The following SYCP3 variants were observed in gnomAD, a reference collection of about 807,000 sequenced individuals.
SYCP3 encodes synaptonemal complex protein 3.
A neutral mutation model predicts 38.5 loss-of-function variants in SYCP3; 29 were observed. The ratio of observed to expected loss-of-function variants is 0.75; its 90% CI spans 0.56 to 1.03. The LOEUF (loss-of-function observed/expected upper bound fraction) is 1.03. SYCP3 is among the 50% of genes least tolerant of loss of function. The probability of loss-of-function intolerance (pLI) is 0.00; values close to 1 mark genes in which losing one functional copy is unlikely to be tolerated. For synonymous variants in SYCP3, 79 were observed against 80.3 expected (o/e 0.98, Z 0.08); for missense variants, 242 against 270.7 (o/e 0.89, Z 0.74).
Position 101,728,777 on chromosome 12 carries a change from G to A in SYCP3, c.*150C>T. 9.2e-7 allele frequency: 1 copy of A among 1,091,346 alleles called. No individual in the cohort carries two copies. The highest frequency in any genetic ancestry group is 1.3e-6 in the Non-Finnish European group (1 of 753,788). 67.6% of individuals were successfully genotyped at this position (1,091,346 alleles called of 1,614,324 possible). ...AACTAACTCATAACTATTTAGATTT[G>A]ACTTAACAGAAAGGGAGGTCTTACA... On this transcript the variant is annotated 3_prime_UTR_variant, in exon 9 of 9. Transcript: ENST00000392924.
intron 4 of SYCP3, among the ~76,000 whole-genome samples, chr12:101,735,871 A>ATTTTTTTTTTTTTTTTT: frequency 1.3e-5 from 1 of 74,734 alleles, no homozygotes; most frequent in South Asian, 4.3e-4. Context: ...ATATATATAT[A>ATTTTTTTTTTTTTTTTT]TTTTTTTTTT....
chr12:101,738,441 A>C (rs1952555047), intron 1 of SYCP3, among the ~76,000 whole-genome samples: 2 of 150,048 alleles, frequency 1.3e-5, no homozygotes, highest in African/African-American at 2.5e-5. Flanking sequence ...AAAAAAAAAA[A>C]CAACAACAGA....
intron 4 of SYCP3, among the ~76,000 whole-genome samples, chr12:101,735,741 G>T (rs937473937): frequency 4.7e-5 from 7 of 150,214 alleles, no homozygotes; most frequent in South Asian, 2.1e-4. Context: ...ACATTTCAAT[G>T]AATTATTGTT....
chr12:101,735,871 A>ATATATATATATATATTTTTTTTTTTTT, intron 4 of SYCP3, among the ~76,000 whole-genome samples: 40 of 74,704 alleles, frequency 5.4e-4, no homozygotes, highest in Admixed American at 1.2e-3. Flanking sequence ...ATATATATAT[A>ATATATATATATATATTTTTTTTTTTTT]TTTTTTTTTT....
At chr12:101,736,061 A>C (rs1408931187) in intron 4 of SYCP3, among the ~76,000 whole-genome samples, 1 of 151,276 alleles carries the variant, frequency 6.6e-6, no homozygotes, top group Non-Finnish European at 1.5e-5. Flanking sequence ...AGGACAGAAA[A>C]AAATCTTAGT....
At chr12:101,736,702 ATGTATATG>A (rs1449049526) in intron 4 of SYCP3, among the ~76,000 whole-genome samples, 31 of 112,782 alleles carry the variant, frequency 2.7e-4, no homozygotes, top group African/African-American at 1.3e-3. Flanking sequence ...ATATGTATGT[ATGTATATG>A]TGTGTGTGTG....
In SYCP3 at chr12:101,731,606, A is replaced by G. The variant is rs146700404; in HGVS notation, c.514T>C (p.Leu172=). Residue 172 remains leucine, a synonymous_variant, in exon 7 of 9, where the codon TTG becomes CTG. Coordinates refer to ENST00000392924, the MANE Select transcript of SYCP3 (RefSeq NM_001177949.2). ...TCATATAACTGTTTAATTGTTTTCAATCTCTGGCTCTGAACAATTCTAGAT... is the reference window on the plus strand; with the variant it reads ...TCATATAACTGTTTAATTGTTTTCAGTCTCTGGCTCTGAACAATTCTAGAT... ...QQSRIVQSQR[L]KTIKQLYEQF... 4.9e-5 allele frequency: 79 copies of G among 1,607,280 alleles called. No homozygotes were observed. Among genetic ancestry groups the G allele is most frequent in the African/African-American group, 5.3e-5 (4 of 74,834 alleles).
At chr12:101,739,154 G>A in intron 1 of SYCP3, 197 bp downstream of exon 1, 1 of 751,900 alleles carries the variant, frequency 1.3e-6, no homozygotes, top group Non-Finnish European at 1.6e-6. Flanking sequence ...AGGGTGTAGC[G>A]ATGGGGCCCA....
chr12:101,730,426 G>C (rs73392425), intron 7 of SYCP3: 4,900 of 407,582 alleles, frequency 0.012, 214 homozygotes, highest in African/African-American at 0.096. Flanking sequence ...GGTTCTCAGA[G>C]CATTGGAACA....
chr12:101,735,871 A>ATATATATTTTTTTTTTTTT, intron 4 of SYCP3, among the ~76,000 whole-genome samples: 40 of 74,728 alleles, frequency 5.4e-4, no homozygotes, highest in African/African-American at 2.3e-3. Flanking sequence ...ATATATATAT[A>ATATATATTTTTTTTTTTTT]TTTTTTTTTT....
At chr12:101,739,053 G>A (rs1306000076) in intron 1 of SYCP3, among the ~76,000 whole-genome samples, 2 of 152,238 alleles carry the variant, frequency 1.3e-5, no homozygotes, top group Non-Finnish European at 1.5e-5. Flanking sequence ...ACCACGAAAG[G>A]CGCCCTCGGC....
intron 2 of SYCP3, chr12:101,737,537 A>G: frequency 1.5e-6 from 1 of 645,290 alleles, no homozygotes; most frequent in Non-Finnish European, 2.7e-6. Context: ...AGTAAGCCAC[A>G]TACTATATAT....
Position 101,735,871 on chromosome 12 carries a change from A to ATATATATATATATTTTTT in SYCP3, c.236-828_236-827insAAAAAATATATATATATA. On this transcript the variant is annotated intron_variant, in intron 4 of 8. Coordinates refer to ENST00000392924, the MANE Select transcript of SYCP3 (RefSeq NM_001177949.2). The stretch of plus-strand genomic sequence containing the variant: ...CAATTTTATATATATATATATATAT[A>ATATATATATATATTTTTT]TTTTTTTTTTTTTAAAGACACGGGG... Among the ~76,000 whole-genome samples the ATATATATATATATTTTTT allele has an allele frequency of 2.4e-4, 18 of 74,756 alleles. 1 individual carries two copies. The highest frequency in any genetic ancestry group is 1.0e-3 in the African/African-American group (16 of 15,934). The allele number at this position is 74,756 out of a possible 152,430, so 49.0% of individuals were successfully genotyped here.
Position 101,733,592 on chromosome 12 carries a change from G to A in SYCP3, c.436C>T (p.Gln146Ter), listed in dbSNP as rs1354084296. 1 of 1,612,158 alleles carries A rather than the reference G, an allele frequency of 6.2e-7. No individual in the cohort carries two copies. Among genetic ancestry groups the A allele is most frequent in the Admixed American group, 1.7e-5 (1 of 59,946 alleles). The change falls in exon 6 of 9, where the codon CAA (glutamine) becomes TAA (stop). Residue 146 changes from glutamine to a stop codon, truncating the protein, a stop_gained. Coordinates refer to ENST00000392924, the MANE Select transcript of SYCP3 (RefSeq NM_001177949.2). LOFTEE classifies it high-confidence loss of function. ...WDLDMQKAEE[Q>*]EEKILNMFRQ... ...ATACCAACAAGTATTTTTTCTTCTT[G>A]TTCCTCAGCTTTCTGCATATCTAAA...
rs777033164 is a variant in SYCP3 at position 101,737,795 on chromosome 12, TAC to T, written c.133+6_133+7del. On this transcript the variant is annotated splice_donor_region_variant and intron_variant, in intron 2 of 8. Transcript: ENST00000392924. ...GGACATCACTGCCCAACATGAGATG[TAC>T]TGCACCTTCAATAACATCTTCCTCT... 6.2e-7 allele frequency: 1 copy of T among 1,614,168 alleles called. No homozygotes were observed. The highest frequency in any genetic ancestry group is 1.7e-5 in the Admixed American group (1 of 60,028).
In SYCP3 at chr12:101,739,346, C is replaced by G; in HGVS notation, c.-18+5G>C. The G allele has an allele frequency of 1.0e-6, 1 of 1,002,880 alleles. No individual in the cohort carries two copies. Among genetic ancestry groups the G allele is most frequent in the South Asian group, 4.7e-5 (1 of 21,384 alleles). The allele number at this position is 1,002,880 out of a possible 1,614,324, so 62.1% of individuals were successfully genotyped here. On this transcript the variant is annotated splice_donor_5th_base_variant and intron_variant, in intron 1 of 8. Coordinates refer to ENST00000392924, the MANE Select transcript of SYCP3 (RefSeq NM_001177949.2). ...GCGATAGACAGACGCCTCCCCTGCT[C>G]ACACCTGAAACACACCGCAATGGCC...
chr12:101,733,906 C>G (rs1215970917), intron 5 of SYCP3, among the ~76,000 whole-genome samples: 2 of 152,058 alleles, frequency 1.3e-5, no homozygotes, highest in African/African-American at 4.8e-5. Flanking sequence ...CTCTTGAAAA[C>G]TAAGGAAGTT....
chr12:101,728,722 C>T lies in SYCP3; in HGVS notation c.*205G>A, dbSNP rs17723833. ...ACTATCATTACTAAAGAGCTGAAAG[C>T]TTAATACATATTCTTTAGGAATAGT... On this transcript the variant is annotated 3_prime_UTR_variant, in exon 9 of 9. Transcript: ENST00000392924. The T allele has an allele frequency of 0.021, 13,588 of 649,690 alleles. 247 individuals are homozygous for T. The highest frequency in any genetic ancestry group is 0.08 in the Admixed American group (2,586 of 32,484). The allele number at this position is 649,690 out of a possible 1,614,324, so 40.2% of individuals were successfully genotyped here.
chr12:101,736,550 T>C (rs1002573046), intron 4 of SYCP3, among the ~76,000 whole-genome samples: 3 of 152,138 alleles, frequency 2.0e-5, no homozygotes, highest in African/African-American at 7.2e-5. Context: ...TCTAGCAAAA[T>C]TGTCTTTAGT....
Sources: gnomAD v4.1 joint callset for allele counts (sites outside exome capture counted in the v4.1 genomes callset) on GRCh38, gnomAD v4.1.1 for gene constraint, MANE v1.5 for transcripts, NCBI Gene and HGNC (gene_info 2026-07-23, HGNC 2026-07-21) for gene names.